The following FSTL4 variants were observed in gnomAD, a reference collection of about 807,000 sequenced individuals.
The protein encoded by FSTL4 is follistatin like 4.
A neutral mutation model predicts 78.2 loss-of-function variants in FSTL4; 28 were observed. That is an observed-to-expected ratio of 0.36 (90% CI 0.27 to 0.49). The LOEUF (loss-of-function observed/expected upper bound fraction) is 0.49. FSTL4 is among the 20% of genes least tolerant of loss of function. FSTL4 has a pLI of 0.98. For missense variants in FSTL4, 922 were observed against 1,084.9 expected (o/e 0.85, Z 2.11); for synonymous variants, 422 against 440.5 (o/e 0.96, Z 0.53).
At chr5:133,252,892 C>G (rs1410023661) in intron 6 of FSTL4, among the ~76,000 whole-genome samples, 1 of 152,174 alleles carries the variant, frequency 6.6e-6, no homozygotes, top group Non-Finnish European at 1.5e-5. Context: ...GCTGCATCCT[C>G]CCTGAGTTAT....
intron 4 of FSTL4, among the ~76,000 whole-genome samples, chr5:133,331,594 C>T (rs1754348090): frequency 6.6e-6 from 1 of 152,166 alleles, no homozygotes; most frequent in Non-Finnish European, 1.5e-5. Flanking sequence ...GCGATACGTG[C>T]TCTTACATGA....
chr5:133,203,615 C>A (rs1750398488), intron 14 of FSTL4, among the ~76,000 whole-genome samples: 1 of 152,060 alleles, frequency 6.6e-6, no homozygotes, highest in African/African-American at 2.4e-5. Context: ...CTATGGTAAG[C>A]TCATAGGAAA....
At chr5:133,708,709 T>G in the FSTL4 span, among the ~76,000 whole-genome samples, 1 of 152,244 alleles carries the variant, frequency 6.6e-6, no homozygotes, top group African/African-American at 2.4e-5. Flanking sequence ...CCTCTGGTTA[T>G]TCTCTCCTTT....
intron 3 of FSTL4, among the ~76,000 whole-genome samples, chr5:133,508,127 TC>T (rs1413140496): frequency 1.3e-5 from 2 of 152,196 alleles, no homozygotes; most frequent in African/African-American, 4.8e-5. Flanking sequence ...TCTTTGCACC[TC>T]ACTTTCCTCA....
intron 7 of FSTL4, among the ~76,000 whole-genome samples, chr5:133,237,809 A>G (rs1303746595): frequency 6.6e-6 from 1 of 151,484 alleles, no homozygotes; most frequent in Non-Finnish European, 1.5e-5. Flanking sequence ...GAATACTGCT[A>G]TCAACGCTTG....
intron 4 of FSTL4, among the ~76,000 whole-genome samples, chr5:133,327,480 C>T (rs1383021555): frequency 6.6e-6 from 1 of 152,284 alleles, no homozygotes; most frequent in East Asian, 1.9e-4. Context: ...GACTGGCTCT[C>T]AGGAGGGGCC....
intron 3 of FSTL4, among the ~76,000 whole-genome samples, chr5:133,554,857 C>A (rs1288598462): frequency 6.6e-6 from 1 of 152,178 alleles, no homozygotes; most frequent in African/African-American, 2.4e-5. Flanking sequence ...GAGAATCAAA[C>A]CGCGCTGCTA....
chr5:133,237,665 A>G (rs1334366038), intron 7 of FSTL4, among the ~76,000 whole-genome samples: 5 of 152,244 alleles, frequency 3.3e-5, no homozygotes, highest in Admixed American at 3.3e-4. Context: ...CTGGATATGA[A>G]TACTGGCTAC....
chr5:133,390,892 T>A (rs10036371), intron 4 of FSTL4, among the ~76,000 whole-genome samples: 2 of 152,072 alleles, frequency 1.3e-5, no homozygotes, highest in Non-Finnish European at 2.9e-5. Context: ...GGCTGAGTGA[T>A]CATGCGAGGC....
intron 3 of FSTL4, among the ~76,000 whole-genome samples, chr5:133,474,697 T>C (rs908879075): frequency 1.3e-5 from 2 of 152,186 alleles, no homozygotes; most frequent in African/African-American, 4.8e-5. Context: ...GTTGATGCAA[T>C]GAGAGAAAAC....
At chr5:133,556,991 T>A (rs1368406113) in intron 3 of FSTL4, among the ~76,000 whole-genome samples, 1 of 152,348 alleles carries the variant, frequency 6.6e-6, no homozygotes, top group South Asian at 2.1e-4. Flanking sequence ...AAAGAAAGGA[T>A]GTCATGTTTG....
chr5:133,701,230 C>T, the FSTL4 span, among the ~76,000 whole-genome samples: 1 of 151,654 alleles, frequency 6.6e-6, no homozygotes, highest in African/African-American at 2.4e-5. Context: ...TAGTGAAACC[C>T]CGTCTCTACT....
the FSTL4 span, among the ~76,000 whole-genome samples, chr5:133,781,416 G>T: frequency 1.3e-5 from 2 of 150,442 alleles, no homozygotes; most frequent in Middle Eastern, 3.4e-3. Flanking sequence ...TGTGTGGCGT[G>T]TATGTGTGTG....
At chr5:133,227,218 T>A (rs1360415411) in intron 8 of FSTL4, among the ~76,000 whole-genome samples, 1 of 152,040 alleles carries the variant, frequency 6.6e-6, no homozygotes, top group Admixed American at 6.6e-5. Flanking sequence ...CTTGCCTCAG[T>A]TTTTCTTTGT....
Position 133,536,606 on chromosome 5 carries a change from G to A in FSTL4, c.160+30580C>T, listed in dbSNP as rs192105379. ...GAAGCAAAGTAGTTATAAAGTATAT[G>A]TGGCATATAAAATAACAATACAGTG... On this transcript the variant is annotated intron_variant, in intron 3 of 15. Coordinates refer to ENST00000265342, the MANE Select transcript of FSTL4 (RefSeq NM_015082.2). Among the ~76,000 whole-genome samples, 16 of 152,114 alleles carry A rather than the reference G, an allele frequency of 1.1e-4. No individual in the cohort carries two copies. In the East Asian group the frequency reaches 2.9e-3, roughly 27 times the overall value.
chr5:133,228,751 C>T (rs1399714780), intron 8 of FSTL4, among the ~76,000 whole-genome samples: 4 of 152,120 alleles, frequency 2.6e-5, no homozygotes, highest in African/African-American at 7.2e-5. Context: ...ATATTTTCTT[C>T]GTGCAATGCA....
At chr5:133,781,640 G>A in the FSTL4 span, among the ~76,000 whole-genome samples, 614 of 152,234 alleles carry the variant, frequency 4.0e-3, 5 homozygotes, top group Non-Finnish European at 6.3e-3. Flanking sequence ...GGAACCCTCC[G>A]AACTGGTGAA....
the FSTL4 span, among the ~76,000 whole-genome samples, chr5:133,717,459 TATTTTAAG>T: frequency 3.9e-5 from 6 of 152,342 alleles, no homozygotes; most frequent in Admixed American, 6.5e-5. Flanking sequence ...AAAATGCACA[TATTTTAAG>T]CATAATGTTG....
At chr5:133,633,919 C>T in the FSTL4 span, among the ~76,000 whole-genome samples, 1 of 152,098 alleles carries the variant, frequency 6.6e-6, no homozygotes, top group Admixed American at 6.5e-5. Flanking sequence ...TCCTATTAGG[C>T]CTTCACTGAA....
Sources: gnomAD v4.1 joint callset for allele counts (sites outside exome capture counted in the v4.1 genomes callset) on GRCh38, gnomAD v4.1.1 for gene constraint, MANE v1.5 for transcripts, NCBI Gene and HGNC (gene_info 2026-07-23, HGNC 2026-07-21) for gene names.